The following ITFG1 variants were observed in gnomAD, a reference collection of about 807,000 sequenced individuals.
The protein encoded by ITFG1 is T-cell immunomodulatory protein.
A neutral mutation model predicts 81.8 loss-of-function variants in ITFG1; 34 were observed. The observed-to-expected ratio is 0.42, with a 90% CI of 0.32 to 0.55. The LOEUF is 0.55. ITFG1 is among the 20% of genes least tolerant of loss of function. ITFG1 has a pLI of 0.17. For missense variants in ITFG1, 672 were observed against 755.4 expected (o/e 0.89, Z 1.29); for synonymous variants, 285 against 270.6 (o/e 1.05, Z -0.52).
At chr16:47,333,945 G>A (rs1967669132) in intron 8 of ITFG1, among the ~76,000 whole-genome samples, 1 of 152,150 alleles carries the variant, frequency 6.6e-6, no homozygotes, top group African/African-American at 2.4e-5. Context: ...ATATGAAATA[G>A]TACCTTTCAA....
chr16:47,409,374 C>CCATATATATATATA (rs1445763015), intron 6 of ITFG1, among the ~76,000 whole-genome samples: 3 of 20,986 alleles, frequency 1.4e-4, no homozygotes, highest in African/African-American at 2.7e-4. Context: ...TACACACACA[C>CCATATATATATATA]TATATATATA....
intron 10 of ITFG1, among the ~76,000 whole-genome samples, chr16:47,288,349 G>C (rs1966878168): frequency 6.6e-6 from 1 of 152,164 alleles, no homozygotes; most frequent in Admixed American, 6.5e-5. Context: ...ATCTCTTGAT[G>C]AATAGTTAGG....
intron 6 of ITFG1, 75 bp from the exon 7 acceptor site, chr16:47,376,015 G>A (rs1968319709): frequency 3.9e-6 from 3 of 760,994 alleles, no homozygotes; most frequent in Middle Eastern, 2.8e-4. Flanking sequence ...GAAAAAAAAT[G>A]CAATACATTA....
intron 2 of ITFG1, among the ~76,000 whole-genome samples, chr16:47,456,554 T>A (rs572771515): frequency 6.0e-4 from 92 of 152,138 alleles, no homozygotes; most frequent in African/African-American, 1.9e-3. Flanking sequence ...TCGCTGGGCG[T>A]GGCGTTGTGC....
At position 47,311,278 on chromosome 16, in the gene ITFG1, A is replaced by G. The variant is rs1442559030; in HGVS notation, c.1032T>C (p.Tyr344=). Residue 344 remains tyrosine (Y), a synonymous_variant, in exon 10 of 18, where the codon TAT becomes TAC. Coordinates refer to ENST00000320640, the MANE Select transcript of ITFG1 (RefSeq NM_030790.5). The part of the protein sequence containing the change: ...LHIGDYNMDG[Y]PDALVILKNT... ...TCTTTAGTATGACCAGAGCGTCTGG[A>G]TAGCCATCCATATTGTAGTCTCCAA... is the stretch of plus-strand genomic sequence containing the variant. 1 of 1,612,876 alleles carries G rather than the reference A, an allele frequency of 6.2e-7. No homozygotes were observed. The highest frequency in any genetic ancestry group is 8.5e-7 in the Non-Finnish European group (1 of 1,179,280).
intron 8 of ITFG1, among the ~76,000 whole-genome samples, chr16:47,349,531 C>T (rs1050962039): frequency 3.3e-5 from 5 of 152,070 alleles, no homozygotes; most frequent in Non-Finnish European, 1.5e-5. Flanking sequence ...ATATATGCAC[C>T]CAATACAGGA....
intron 12 of ITFG1, among the ~76,000 whole-genome samples, chr16:47,239,230 C>T (rs2151534463): frequency 6.6e-6 from 1 of 151,056 alleles, no homozygotes; most frequent in African/African-American, 2.4e-5. Flanking sequence ...GAGACAGTCT[C>T]TTGCTCTGTC....
chr16:47,446,544 AG>A (rs1278323415), intron 5 of ITFG1, among the ~76,000 whole-genome samples: 1 of 152,178 alleles, frequency 6.6e-6, no homozygotes, highest in Non-Finnish European at 1.5e-5. Context: ...AGGCAAATAC[AG>A]TGGAAGAACA....
intron 6 of ITFG1, among the ~76,000 whole-genome samples, chr16:47,403,388 C>T (rs1020144609): frequency 6.6e-6 from 1 of 151,748 alleles, no homozygotes; most frequent in African/African-American, 2.4e-5. Context: ...CTGGACTCTT[C>T]AAAAAGTCAT....
chr16:47,422,124 T>C (rs1030245038), intron 6 of ITFG1, among the ~76,000 whole-genome samples: 11 of 152,246 alleles, frequency 7.2e-5, no homozygotes, highest in Non-Finnish European at 1.6e-4. Context: ...TTGTGAACAG[T>C]GCCACAATAA....
chr16:47,277,746 T>C (rs1016676205), intron 10 of ITFG1, among the ~76,000 whole-genome samples: 2 of 152,202 alleles, frequency 1.3e-5, no homozygotes, highest in Non-Finnish European at 1.5e-5. Context: ...AGAGTGGATT[T>C]TGAAGAAGTA....
At chr16:47,293,130 T>C (rs1966930903) in intron 10 of ITFG1, among the ~76,000 whole-genome samples, 1 of 147,128 alleles carries the variant, frequency 6.8e-6, no homozygotes, top group Non-Finnish European at 1.5e-5. Context: ...ACAAGCATGA[T>C]ATATAATATA....
chr16:47,269,492 A>G (rs1176678212), intron 10 of ITFG1, among the ~76,000 whole-genome samples: 1 of 151,416 alleles, frequency 6.6e-6, no homozygotes, highest in Non-Finnish European at 1.5e-5. Flanking sequence ...CTATTAAAAA[A>G]AAAAAAAAAA....
At chr16:47,223,242 A>G (rs1181083571) in intron 13 of ITFG1, among the ~76,000 whole-genome samples, 2 of 152,088 alleles carry the variant, frequency 1.3e-5, no homozygotes, top group Non-Finnish European at 2.9e-5. Flanking sequence ...AATGGGATCT[A>G]ATTAAACCAA....
intron 8 of ITFG1, among the ~76,000 whole-genome samples, chr16:47,318,782 A>T (rs1375076559): frequency 2.6e-5 from 4 of 152,182 alleles, no homozygotes; most frequent in Non-Finnish European, 1.5e-5. Flanking sequence ...TTTTGAAAAA[A>T]GAGTAGAATT....
chr16:47,177,911 T>C (rs1035710346), intron 14 of ITFG1, among the ~76,000 whole-genome samples: 4 of 152,224 alleles, frequency 2.6e-5, no homozygotes, highest in African/African-American at 9.6e-5. Flanking sequence ...GGACTATTTA[T>C]TGTTAACAGG....
At chr16:47,161,920 C>T in intron 15 of ITFG1, 88 bp from the exon 16 acceptor site, 2 of 846,560 alleles carry the variant, frequency 2.4e-6, no homozygotes, top group Non-Finnish European at 3.9e-6. Flanking sequence ...AATCTAGCTA[C>T]TTTGAGAAAT....
chr16:47,271,095 T>C (rs1480208839), intron 10 of ITFG1, among the ~76,000 whole-genome samples: 1 of 152,178 alleles, frequency 6.6e-6, no homozygotes, highest in Admixed American at 6.5e-5. Flanking sequence ...GAAACTCTCA[T>C]GATAAAAGCA....
chr16:47,255,477 A>G lies in ITFG1; in HGVS notation c.1330+3155T>C, dbSNP rs185529. On this transcript the variant is annotated intron_variant, in intron 12 of 17. Transcript: ENST00000320640. Reference sequence around the variant, plus strand: ...AATGACTGACTTAGTTGTGTCCCTAATATCAGCAAACAGGTCAAGGTGGAA... The same window carrying G: ...AATGACTGACTTAGTTGTGTCCCTAGTATCAGCAAACAGGTCAAGGTGGAA... Among the ~76,000 whole-genome samples the G allele has an allele frequency of 8.3e-3, 1,266 of 152,350 alleles. 11 individuals carry two copies. Among genetic ancestry groups the G allele is most frequent in the Non-Finnish European group, 0.01 (714 of 68,034 alleles).
Sources: gnomAD v4.1 joint callset for allele counts (sites outside exome capture counted in the v4.1 genomes callset) on GRCh38, gnomAD v4.1.1 for gene constraint, MANE v1.5 for transcripts, NCBI Gene and HGNC (gene_info 2026-07-23, HGNC 2026-07-21) for gene names.